Variants in GPR149 observed in about 807,000 individuals in gnomAD.
The protein encoded by GPR149 is G protein-coupled receptor 149, also known as probable G protein-coupled receptor 149.
Under a neutral mutation model 50.2 loss-of-function variants are expected in GPR149, and 50 were observed. The observed-to-expected ratio is 1.00, with a 90% CI of 0.79 to 1.26. The LOEUF is 1.26. Among genes scored for constraint, GPR149 ranks in the 50% most tolerant of loss-of-function variants. The probability of loss-of-function intolerance (pLI) is 0.00; values close to 1 mark genes in which losing one functional copy is unlikely to be tolerated. For synonymous variants in GPR149, 405 were observed against 358.2 expected (o/e 1.13, Z -1.48); for missense variants, 983 against 895.4 (o/e 1.10, Z -1.25).
rs750490256 is a variant in GPR149 at position 154,407,650 on chromosome 3, CAT to C, written c.1623+13387_1623+13388del. 1.3e-3 allele frequency among the ~76,000 whole-genome samples: 186 copies of C among 146,970 alleles called. 1 individual carries two copies. The highest frequency in any genetic ancestry group is 2.2e-3 in the Non-Finnish European group (144 of 66,840). On this transcript the variant is annotated intron_variant, in intron 3 of 3. Coordinates refer to ENST00000389740, the MANE Select transcript of GPR149 (RefSeq NM_001038705.3). The stretch of plus-strand genomic sequence containing the variant: ...ATAGAAATATAGATAAACACATAAG[CAT>C]ATGTGTATATATATGTTCATGTGTG...
At chr3:154,389,452 C>T (rs981918706) in intron 3 of GPR149, among the ~76,000 whole-genome samples, 4 of 152,114 alleles carry the variant, frequency 2.6e-5, no homozygotes, top group East Asian at 1.9e-4. Flanking sequence ...CAAGACCATA[C>T]ATTCAGCATT....
chr3:154,377,432 T>C (rs1408325476), intron 3 of GPR149, among the ~76,000 whole-genome samples: 1 of 151,200 alleles, frequency 6.6e-6, no homozygotes, highest in Non-Finnish European at 1.5e-5. Context: ...AGTGGTGTGA[T>C]CTTGGCTCAC....
At chr3:154,352,720 G>A in intron 3 of GPR149, 1 of 785,312 alleles carries the variant, frequency 1.3e-6, no homozygotes, top group Non-Finnish European at 2.4e-6. Flanking sequence ...ATCAACAGCA[G>A]CATAAGAAAC....
intron 3 of GPR149, among the ~76,000 whole-genome samples, chr3:154,398,449 G>T (rs926677009): frequency 2.0e-5 from 3 of 151,938 alleles, no homozygotes; most frequent in Non-Finnish European, 4.4e-5. Context: ...TATTTTTCTT[G>T]CTTATTTTAA....
At chr3:154,394,048 A>T (rs1283439829) in intron 3 of GPR149, among the ~76,000 whole-genome samples, 1 of 152,090 alleles carries the variant, frequency 6.6e-6, no homozygotes, top group Non-Finnish European at 1.5e-5. Context: ...TCTTTTACAG[A>T]AAGAGAAGAA....
Position 154,392,530 on chromosome 3 carries a change from T to TA in GPR149, c.1623+28508_1623+28509insT, listed in dbSNP as rs540441854. On this transcript the variant is annotated intron_variant, in intron 3 of 3. Coordinates refer to ENST00000389740, the MANE Select transcript of GPR149 (RefSeq NM_001038705.3). ...AACCTAACTTTACGTCTCAAGAAGCTGAAAAAGAAGAACAAACTAAGGCCA... is the reference window on the plus strand; with the variant it reads ...AACCTAACTTTACGTCTCAAGAAGCTAGAAAAAGAAGAACAAACTAAGGCCA... Among the ~76,000 whole-genome samples, 1,006 of 150,614 alleles carry TA rather than the reference T, an allele frequency of 6.7e-3. 5 individuals are homozygous for TA. Among genetic ancestry groups the TA allele is most frequent in the Non-Finnish European group, 0.012 (801 of 67,460 alleles).
chr3:154,358,818 G>A (rs1046069074), intron 3 of GPR149, among the ~76,000 whole-genome samples: 2 of 152,178 alleles, frequency 1.3e-5, no homozygotes, highest in Admixed American at 6.5e-5. Flanking sequence ...GTAAGATCCT[G>A]TAGATATGGT....
intron 3 of GPR149, among the ~76,000 whole-genome samples, chr3:154,386,818 T>C (rs1014217839): frequency 6.6e-6 from 1 of 152,234 alleles, no homozygotes; most frequent in Non-Finnish European, 1.5e-5. Context: ...TAATTTTTTC[T>C]TATAAAACAA....
At chr3:154,405,717 A>G in intron 3 of GPR149, among the ~76,000 whole-genome samples, 1 of 151,988 alleles carries the variant, frequency 6.6e-6, no homozygotes, top group East Asian at 1.9e-4. Flanking sequence ...TTTAATAATA[A>G]TAAGCAACCA....
chr3:154,361,244 C>A (rs943556298), intron 3 of GPR149, among the ~76,000 whole-genome samples: 9 of 152,120 alleles, frequency 5.9e-5, no homozygotes, highest in African/African-American at 1.9e-4. Flanking sequence ...CATAGAACAT[C>A]ACTCATATGC....
At chr3:154,354,702 T>C in intron 3 of GPR149, 1 of 502,992 alleles carries the variant, frequency 2.0e-6, no homozygotes, top group Admixed American at 3.9e-5. Flanking sequence ...ACAAATTAGG[T>C]TCAATAAATA....
At chr3:154,385,020 T>C (rs113144325) in intron 3 of GPR149, among the ~76,000 whole-genome samples, 76 of 152,344 alleles carry the variant, frequency 5.0e-4, no homozygotes, top group Middle Eastern at 3.4e-3. Flanking sequence ...TTGCGTGTGA[T>C]AGTATGTGTG....
chr3:154,417,138 G>A (rs1455490329), intron 3 of GPR149, among the ~76,000 whole-genome samples: 1 of 151,918 alleles, frequency 6.6e-6, no homozygotes, highest in Non-Finnish European at 1.5e-5. Context: ...ATTTCAGAAA[G>A]AGTCATACTG....
intron 3 of GPR149, among the ~76,000 whole-genome samples, chr3:154,340,682 G>A (rs1416563576): frequency 6.7e-6 from 1 of 149,336 alleles, no homozygotes; most frequent in African/African-American, 2.4e-5. Flanking sequence ...GTGGAGGGGG[G>A]ACATGTGAAA....
chr3:154,384,270 T>C (rs1380019440), intron 3 of GPR149, among the ~76,000 whole-genome samples: 4 of 152,230 alleles, frequency 2.6e-5, no homozygotes. Flanking sequence ...TTCTATATGT[T>C]CAGGCTCTTT....
rs146619618 is a variant in GPR149, at chr3:154,414,081, G to C, written c.1623+6958C>G. Among the ~76,000 whole-genome samples, 813 of 151,840 alleles carry C rather than the reference G, an allele frequency of 5.4e-3. 9 individuals carry two copies. Among genetic ancestry groups the C allele is most frequent in the African/African-American group, 0.018 (743 of 41,444 alleles). On this transcript the variant is annotated intron_variant, in intron 3 of 3. Transcript: ENST00000389740. Reference sequence around the variant, plus strand: ...AGGAATGAAAAATCAAACATCATACGTTCTCATTCATATGTGTGAGTTAAG... The same window carrying C: ...AGGAATGAAAAATCAAACATCATACCTTCTCATTCATATGTGTGAGTTAAG...
chr3:154,377,597 C>G (rs960354784), intron 3 of GPR149, among the ~76,000 whole-genome samples: 9 of 152,020 alleles, frequency 5.9e-5, no homozygotes, highest in African/African-American at 2.2e-4. Context: ...AACTCCTGAC[C>G]TCACGTGATC....
chr3:154,377,524 G>A, intron 3 of GPR149, among the ~76,000 whole-genome samples: 1 of 151,854 alleles, frequency 6.6e-6, no homozygotes, highest in Non-Finnish European at 1.5e-5. Context: ...GCGCCACCAT[G>A]CCTAGCTAAT....
intron 3 of GPR149, among the ~76,000 whole-genome samples, chr3:154,378,111 T>G: frequency 2.5e-5 from 3 of 122,330 alleles, no homozygotes; most frequent in African/African-American, 3.1e-5. Flanking sequence ...TGAGATGGAG[T>G]CCCCTCTGCC....
Sources: allele counts gnomAD v4.1 joint callset (sites outside exome capture counted in the v4.1 genomes callset), GRCh38; gene constraint gnomAD v4.1.1; transcripts MANE v1.5; gene names NCBI Gene and HGNC (gene_info 2026-07-23, HGNC 2026-07-21).